The following ROPN1L variants were observed in gnomAD, a reference collection of about 807,000 sequenced individuals.
The protein encoded by ROPN1L is ropporin-1-like protein.
Under a neutral mutation model 22.7 loss-of-function variants are expected in ROPN1L, and 23 were observed. That is an observed-to-expected ratio of 1.01 (90% confidence interval 0.73 to 1.43). The LOEUF is 1.43. Ranked by LOEUF, ROPN1L falls within the 40% of genes most tolerant of loss-of-function variation. The pLI, the probability that ROPN1L is intolerant of heterozygous loss-of-function variation, is 0.00. For synonymous variants in ROPN1L, 116 were observed against 117.8 expected, an observed-to-expected ratio of 0.98 and a Z score of 0.10; for missense variants, 271 against 291.5, an observed-to-expected ratio of 0.93 and a Z score of 0.51.
downstream of ROPN1L, among the ~76,000 whole-genome samples, chr5:10,473,320 A>G (rs535671040): frequency 1.5e-4 from 23 of 152,312 alleles, no homozygotes; most frequent in African/African-American, 5.3e-4. Context: ...CCTAAATCCA[A>G]TAACTGGTGC....
At chr5:10,465,093 A>G (rs1735129447), downstream of ROPN1L, 2 of 468,860 alleles carry the variant, frequency 4.3e-6, no homozygotes, top group South Asian at 5.0e-5. Context: ...GGCCTGATTC[A>G]TGATTGCTTT....
chr5:10,465,677 C>T (rs1444921879), downstream of ROPN1L, among the ~76,000 whole-genome samples: 3 of 151,902 alleles, frequency 2.0e-5, no homozygotes, highest in South Asian at 2.1e-4. Context: ...GGTGAAACCC[C>T]GTCTCTACTA....
At chr5:10,480,879 C>T in the ROPN1L span, among the ~76,000 whole-genome samples, 1 of 152,128 alleles carries the variant, frequency 6.6e-6, no homozygotes. Flanking sequence ...AACCTAGCTC[C>T]CTGCCCACCC....
intron 1 of ROPN1L, among the ~76,000 whole-genome samples, chr5:10,447,831 TGATTATGCCAC>T (rs1470204013): frequency 1.3e-5 from 2 of 151,882 alleles, no homozygotes; most frequent in Non-Finnish European, 2.9e-5. Context: ...CAGTGAGCCA[TGATTATGCCAC>T]TGCACTCCAG....
chr5:10,449,031 C>A (rs1257857848), intron 2 of ROPN1L, among the ~76,000 whole-genome samples: 1 of 152,246 alleles, frequency 6.6e-6, no homozygotes, highest in Non-Finnish European at 1.5e-5. Context: ...GACTTATCCC[C>A]ATTCTACACT....
downstream of ROPN1L, among the ~76,000 whole-genome samples, chr5:10,473,383 A>G (rs1269873812): frequency 2.0e-5 from 3 of 152,200 alleles, no homozygotes; most frequent in Admixed American, 6.5e-5. Context: ...AGGGGAGAAC[A>G]CCATGTGAAG....
rs1324552011 is a variant in ROPN1L at position 10,441,885 on chromosome 5, C to T, written c.-283C>T. On this transcript the variant is annotated 5_prime_UTR_variant, in exon 1 of 5. Coordinates refer to ENST00000274134, the MANE Select transcript of ROPN1L (RefSeq NM_031916.5). The stretch of plus-strand genomic sequence containing the variant: ...CCAGGGGCGGGGCCTGCTCGCGTCC[C>T]GGGTGCCTGGATACCGAGCGCGTCC... The T allele has an allele frequency of 3.4e-5, 9 of 261,008 alleles. No homozygotes were observed. The Admixed American group carries it at 4.0e-4, about 12-fold the overall frequency. The allele number at this position is 261,008 out of a possible 1,614,324, so 16.2% of individuals were successfully genotyped here.
At chr5:10,453,164 G>A (rs111466188) in intron 3 of ROPN1L, among the ~76,000 whole-genome samples, 2 of 152,180 alleles carry the variant, frequency 1.3e-5, no homozygotes, top group African/African-American at 4.8e-5. Flanking sequence ...GGTCCAGTGC[G>A]GCTGTAGACT....
chr5:10,452,276 G>A (rs1741278955), intron 3 of ROPN1L, among the ~76,000 whole-genome samples: 1 of 149,766 alleles, frequency 6.7e-6, no homozygotes, highest in South Asian at 2.1e-4. Flanking sequence ...ACTGCACCCA[G>A]CCTAAAGTAT....
At chr5:10,460,709 C>G (rs1735005505) in intron 3 of ROPN1L, among the ~76,000 whole-genome samples, 1 of 152,230 alleles carries the variant, frequency 6.6e-6, no homozygotes, top group Non-Finnish European at 1.5e-5. Context: ...GCTCGGTGGG[C>G]AGGCATTGGC....
the ROPN1L span, among the ~76,000 whole-genome samples, chr5:10,479,088 G>T: frequency 1.3e-5 from 2 of 152,082 alleles, no homozygotes; most frequent in African/African-American, 4.8e-5. Flanking sequence ...TTTTTGAGGT[G>T]GCTGCTATAA....
intron 4 of ROPN1L, among the ~76,000 whole-genome samples, chr5:10,462,059 C>A (rs1156771318): frequency 6.6e-6 from 1 of 152,118 alleles, no homozygotes; most frequent in Non-Finnish European, 1.5e-5. Context: ...AATCATTGGC[C>A]AATAGTGATC....
chr5:10,456,140 C>T (rs756832309), intron 3 of ROPN1L, among the ~76,000 whole-genome samples: 8 of 152,234 alleles, frequency 5.3e-5, no homozygotes, highest in South Asian at 2.1e-4. Flanking sequence ...GTGCTCTTCA[C>T]TCATCTCCAC....
the ROPN1L span, among the ~76,000 whole-genome samples, chr5:10,479,122 T>A: frequency 6.6e-5 from 10 of 152,244 alleles, no homozygotes; most frequent in East Asian, 5.8e-4. Context: ...TGTGAGTAGG[T>A]TAGAAAGATG....
At chr5:10,446,352 G>A (rs892055703) in intron 1 of ROPN1L, among the ~76,000 whole-genome samples, 1 of 152,128 alleles carries the variant, frequency 6.6e-6, no homozygotes, top group Non-Finnish European at 1.5e-5. Flanking sequence ...TCCACCCTCT[G>A]TTGTGACAAT....
downstream of ROPN1L, among the ~76,000 whole-genome samples, chr5:10,473,587 G>A (rs1175240095): frequency 1.3e-5 from 2 of 152,214 alleles, no homozygotes; most frequent in African/African-American, 4.8e-5. Context: ...CACCAAGTTT[G>A]TGGTAATGTG....
At chr5:10,454,325 T>C (rs1010875676) in intron 3 of ROPN1L, among the ~76,000 whole-genome samples, 1 of 152,148 alleles carries the variant, frequency 6.6e-6, no homozygotes, top group Non-Finnish European at 1.5e-5. Context: ...TATCTTGCCA[T>C]GTTGCCCAGG....
At chr5:10,467,110 T>G (rs1399513327), downstream of ROPN1L, among the ~76,000 whole-genome samples, 1 of 152,126 alleles carries the variant, frequency 6.6e-6, no homozygotes, top group African/African-American at 2.4e-5. Flanking sequence ...GACTTCACCT[T>G]GTCAATTTTG....
chr5:10,475,948 G>A (rs1024425067), downstream of ROPN1L, among the ~76,000 whole-genome samples: 1 of 152,234 alleles, frequency 6.6e-6, no homozygotes, highest in South Asian at 2.1e-4. Context: ...TCCAGGTCCT[G>A]TCCATCTTGT....
Sources: allele counts gnomAD v4.1 joint callset (sites outside exome capture counted in the v4.1 genomes callset), GRCh38; gene constraint gnomAD v4.1.1; transcripts MANE v1.5; gene names NCBI Gene and HGNC (gene_info 2026-07-23, HGNC 2026-07-21).